Variants in TARBP1 observed in about 807,000 individuals in gnomAD.
The protein encoded by TARBP1 is tRNA (guanosine(18)-2'-O)-methyltransferase TARBP1.
A neutral mutation model predicts 178.6 loss-of-function variants in TARBP1; 144 were observed. The ratio of observed to expected loss-of-function variants is 0.81; its 90% CI spans 0.70 to 0.93. TARBP1 has a LOEUF of 0.93. TARBP1 is among the 40% of genes least tolerant of loss of function. The pLI, the probability that TARBP1 is intolerant of heterozygous loss-of-function variation, is 0.00. For missense variants in TARBP1, 2,067 were observed against 2,011.7 expected (o/e 1.03, Z -0.53); for synonymous variants, 787 against 781.0 (o/e 1.01, Z -0.13).
At chr1:234,399,266 G>A (rs943772939) in intron 25 of TARBP1, among the ~76,000 whole-genome samples, 13 of 152,300 alleles carry the variant, frequency 8.5e-5, no homozygotes, top group African/African-American at 2.9e-4. Flanking sequence ...ACTTAAAAAC[G>A]AAACAATACT....
Position 234,429,516 on chromosome 1 carries a change from A to T in TARBP1, c.2771T>A (p.Met924Lys), listed in dbSNP as rs756495450. The change falls in exon 16 of 30, where the codon ATG becomes AAG. Residue 924 changes from methionine (M) to lysine (K), a missense_variant. Met to Lys is a moderately conservative substitution (Grantham distance 95). Coordinates refer to ENST00000040877, the MANE Select transcript of TARBP1 (RefSeq NM_005646.4). ...ILEPFLPAVQMPIRTLQSALE... is the reference protein window; with the variant it reads ...ILEPFLPAVQKPIRTLQSALE... ...TGCAGACTGCAAAGTCCTTATTGGC[A>T]TCTGAACGGCAGGTAGAAACGGTTC... The T allele has an allele frequency of 1.8e-4, 284 of 1,614,096 alleles. No individual in the cohort carries two copies. The highest frequency in any genetic ancestry group is 2.4e-4 in the Non-Finnish European group (281 of 1,180,046).
intron 14 of TARBP1, among the ~76,000 whole-genome samples, chr1:234,432,443 A>AAT (rs1223996422): frequency 4.6e-5 from 7 of 151,886 alleles, no homozygotes; most frequent in African/African-American, 1.2e-4. Flanking sequence ...TCTGTTCAAA[A>AAT]ATATATATAT....
intron 25 of TARBP1, among the ~76,000 whole-genome samples, chr1:234,399,070 G>A (rs1234699689): frequency 2.0e-5 from 3 of 152,178 alleles, no homozygotes; most frequent in African/African-American, 7.2e-5. Flanking sequence ...TTTGTAAGAC[G>A]AGGATAAAAT....
chr1:234,478,421 T>C lies in TARBP1; in HGVS notation c.683A>G (p.Glu228Gly). ...GASLGSGRVE[E>G]KLLVLSALAE... Reference sequence around the variant, plus strand: ...CAGGGCGCTCAGGACCAGCAGCTTCTCCTCTACGCGGCCGGACCCCAGGGA... The same window carrying C: ...CAGGGCGCTCAGGACCAGCAGCTTCCCCTCTACGCGGCCGGACCCCAGGGA... The change falls in exon 1 of 30, where the codon GAG becomes GGG. Residue 228 changes from glutamate to glycine, a missense_variant. Glu to Gly is a moderately conservative substitution (Grantham distance 98, BLOSUM62 -2). Coordinates refer to ENST00000040877, the MANE Select transcript of TARBP1 (RefSeq NM_005646.4). The C allele has an allele frequency of 7.2e-7, 1 of 1,384,938 alleles. No individual in the cohort carries two copies. The highest frequency in any genetic ancestry group is 9.4e-7 in the Non-Finnish European group (1 of 1,065,386). 85.8% of individuals were successfully genotyped at this position (1,384,938 alleles called of 1,614,324 possible). A position where few individuals can be genotyped will look rare whatever the true frequency, so the allele number is the denominator to read the frequency against.
intron 6 of TARBP1, among the ~76,000 whole-genome samples, chr1:234,460,946 G>A (rs575975021): frequency 3.9e-4 from 60 of 152,286 alleles, no homozygotes; most frequent in African/African-American, 1.4e-3. Flanking sequence ...AAAAAGCCAC[G>A]TATTGTATGA....
chr1:234,433,179 A>T (rs1462737632), intron 14 of TARBP1, among the ~76,000 whole-genome samples: 2 of 152,196 alleles, frequency 1.3e-5, no homozygotes, highest in Non-Finnish European at 2.9e-5. Flanking sequence ...TGGAGGTTGC[A>T]GTGAGCCAAG....
At chr1:234,471,348 T>A (rs1571881333) in intron 2 of TARBP1, 91 bp from the exon 3 acceptor site, 1 of 807,758 alleles carries the variant, frequency 1.2e-6, no homozygotes, top group Non-Finnish European at 2.0e-6. Context: ...CAGTAGCTCT[T>A]CTGTTTCTAC....
chr1:234,465,581 G>T, intron 5 of TARBP1, 75 bp downstream of exon 5: 1 of 1,363,178 alleles, frequency 7.3e-7, no homozygotes, highest in Non-Finnish European at 9.8e-7. Context: ...TGTGCCAAAT[G>T]CATGAAACAA....
chr1:234,478,739 T>G lies in TARBP1; in HGVS notation c.365A>C (p.Glu122Ala). Residue 122 changes from glutamate to alanine, a missense_variant, in exon 1 of 30, where the codon GAG becomes GCG. Physicochemically the swap from Glu to Ala is moderately radical, Grantham distance 107. Coordinates refer to ENST00000040877, the MANE Select transcript of TARBP1 (RefSeq NM_005646.4). ...GRPQLAAALAEEALRDLLAGW... is the reference protein window; with the variant it reads ...GRPQLAAALAAEALRDLLAGW... Reference sequence around the variant, plus strand: ...GGCGAGCAGATCGCGCAGCGCCTCCTCAGCCAGCGCGGCCGCCAGCTGCGG... The same window carrying G: ...GGCGAGCAGATCGCGCAGCGCCTCCGCAGCCAGCGCGGCCGCCAGCTGCGG... 8.8e-7 allele frequency: 1 copy of G among 1,136,574 alleles called. No individual in the cohort carries two copies. Among genetic ancestry groups the G allele is most frequent in the Non-Finnish European group, 1.1e-6 (1 of 931,118 alleles). The allele number at this position is 1,136,574 out of a possible 1,614,324, so 70.4% of individuals were successfully genotyped here.
In TARBP1 at chr1:234,457,037, A is replaced by G. The variant is rs145307978; in HGVS notation, c.1722+630T>C. 3.7e-4 allele frequency among the ~76,000 whole-genome samples: 57 copies of G among 152,372 alleles called. No homozygotes were observed. In the East Asian group the frequency reaches 0.01, roughly 27 times the overall value. On this transcript the variant is annotated intron_variant, in intron 9 of 29. Coordinates refer to ENST00000040877, the MANE Select transcript of TARBP1 (RefSeq NM_005646.4). ...TTGTATAAACTAAACCCCGTGGTTTACAAAAAGAGGGAGGAGGCTGGCCCT... is the reference window on the plus strand; with the variant it reads ...TTGTATAAACTAAACCCCGTGGTTTGCAAAAAGAGGGAGGAGGCTGGCCCT...
Position 234,459,339 on chromosome 1 carries a change from C to A in TARBP1, c.1536-13G>T. ...ATGAATAACATCCCTGACATCGAAA[C>A]ACAAAAAATGCAGTTCCGTATTCCC... On this transcript the variant is annotated splice_polypyrimidine_tract_variant and intron_variant, in intron 7 of 29. Coordinates refer to ENST00000040877, the MANE Select transcript of TARBP1 (RefSeq NM_005646.4). 1.9e-6 allele frequency: 3 copies of A among 1,587,380 alleles called. No homozygotes were observed. The highest frequency in any genetic ancestry group is 1.9e-5 in the Admixed American group (1 of 53,748).
chr1:234,433,889 A>G (rs540411073), intron 13 of TARBP1, among the ~76,000 whole-genome samples: 1 of 152,342 alleles, frequency 6.6e-6, no homozygotes, highest in South Asian at 2.1e-4. Flanking sequence ...TAGGGCTAGT[A>G]CATCATAAAT....
At chr1:234,398,175 TTAAATAGC>T in intron 26 of TARBP1, 199 bp downstream of exon 26, 2 of 359,432 alleles carry the variant, frequency 5.6e-6, no homozygotes, top group Middle Eastern at 8.0e-4. Context: ...TTTTTTTTTT[TTAAATAGC>T]TTTAAAGCTA....
chr1:234,416,963 G>A lies in TARBP1; in HGVS notation c.3705+1121C>T, dbSNP rs565152420. 1.1e-4 allele frequency among the ~76,000 whole-genome samples: 16 copies of A among 152,334 alleles called. 1 individual carries two copies. The South Asian group carries it at 3.3e-3, about 32-fold the overall frequency. On this transcript the variant is annotated intron_variant, in intron 22 of 29. Coordinates refer to ENST00000040877, the MANE Select transcript of TARBP1 (RefSeq NM_005646.4). ...ACTCTTCAGATAAAACCAAGCATAAGGGTTGGGAGAGGGAAGCAAGTATGT... is the reference window on the plus strand; with the variant it reads ...ACTCTTCAGATAAAACCAAGCATAAAGGTTGGGAGAGGGAAGCAAGTATGT...
rs1193376596 is a variant in TARBP1, at chr1:234,401,206, T to C, written c.4046A>G (p.His1349Arg). The C allele has an allele frequency of 6.2e-7, 1 of 1,613,516 alleles. No homozygotes were observed. Among genetic ancestry groups the C allele is most frequent in the Non-Finnish European group, 8.5e-7 (1 of 1,179,712 alleles). Residue 1349 changes from histidine (H) to arginine (R), a missense_variant, in exon 25 of 30, where the codon CAC becomes CGC. Physicochemically the swap from His to Arg is conservative, Grantham distance 29. Transcript: ENST00000040877. ...CTCTAGACAATAATCCTTGAGTGGG[T>C]GAAATGTTGCAAAAAAGAAATGCTC... ...IQEHFFFATF[H>R]PLKDYCLETI...
chr1:234,451,949 T>C (rs1666826056), intron 9 of TARBP1, among the ~76,000 whole-genome samples: 1 of 152,128 alleles, frequency 6.6e-6, no homozygotes, highest in Admixed American at 6.6e-5. Context: ...CAGTATACAC[T>C]TTTCTTTGCA....
At position 234,433,408 on chromosome 1, in the gene TARBP1, A is replaced by G; in HGVS notation, c.2394+2T>C. 6.2e-7 allele frequency: 1 copy of G among 1,613,484 alleles called. No individual in the cohort carries two copies. The highest frequency in any genetic ancestry group is 1.3e-5 in the African/African-American group (1 of 75,010). ...TACAAACCTTGAATCAAAGAGGCTT[A>G]CCTGTCCACTGTCCATCTCTTGAAG... On this transcript the variant is annotated splice_donor_variant, in intron 14 of 29. Transcript: ENST00000040877. LOFTEE classifies it high-confidence loss of function.
chr1:234,447,286 A>C (rs557207006), intron 11 of TARBP1, among the ~76,000 whole-genome samples: 27 of 151,870 alleles, frequency 1.8e-4, no homozygotes, highest in Admixed American at 2.6e-4. Flanking sequence ...ATAATACAAA[A>C]ATATAAAACC....
Position 234,429,797 on chromosome 1 carries a change from G to T in TARBP1, c.2610-120C>A. ...GGGGGGCAGTGTACAGATATAAATGGTCATTATCAAACAGCCTATCTACCA... is the reference window on the plus strand; with the variant it reads ...GGGGGGCAGTGTACAGATATAAATGTTCATTATCAAACAGCCTATCTACCA... On this transcript the variant is annotated intron_variant, in intron 15 of 29. Coordinates refer to ENST00000040877, the MANE Select transcript of TARBP1 (RefSeq NM_005646.4). 2.6e-6 allele frequency: 3 copies of T among 1,169,754 alleles called. No individual in the cohort carries two copies. The South Asian group carries it at 4.7e-5, about 18-fold the overall frequency. 72.5% of individuals were successfully genotyped at this position (1,169,754 alleles called of 1,614,324 possible). A position where few individuals can be genotyped will look rare whatever the true frequency, so the allele number is the denominator to read the frequency against.
Sources: gnomAD v4.1 joint callset for allele counts (sites outside exome capture counted in the v4.1 genomes callset) on GRCh38, gnomAD v4.1.1 for gene constraint, MANE v1.5 for transcripts, NCBI Gene and HGNC (gene_info 2026-07-23, HGNC 2026-07-21) for gene names.